Variants in ENO1 observed in about 807,000 individuals in gnomAD.
ENO1 encodes alpha-enolase.
ENO1 carries 33 observed loss-of-function variants against 46.3 expected under a neutral mutation model. The observed-to-expected ratio is 0.71, with a 90% confidence interval of 0.54 to 0.95. ENO1 has a LOEUF of 0.95. ENO1 is among the 40% of genes least tolerant of loss of function. The pLI, the probability that ENO1 is intolerant of heterozygous loss-of-function variation, is 0.00. For synonymous variants in ENO1, 220 were observed against 216.0 expected (o/e 1.02, Z -0.16); for missense variants, 488 against 553.3 (o/e 0.88, Z 1.18).
intron 1 of ENO1, 47 bp from the exon 2 acceptor site, chr1:8,874,964 G>A: frequency 1.3e-6 from 2 of 1,492,750 alleles, no homozygotes; most frequent in Non-Finnish European, 1.9e-6. Context: ...CCATAATGCT[G>A]CATTTCCTCA....
At chr1:8,861,761 A>T (rs1031772804) in intron 11 of ENO1, among the ~76,000 whole-genome samples, 1 of 151,970 alleles carries the variant, frequency 6.6e-6, no homozygotes, top group Admixed American at 6.6e-5. Flanking sequence ...GGAATATAAA[A>T]ATTCTAATGC....
chr1:8,861,113 A>G lies in ENO1; in HGVS notation c.*247T>C. 2.1e-6 allele frequency: 1 copy of G among 483,720 alleles called. No homozygotes were observed. Among genetic ancestry groups the G allele is most frequent in the Non-Finnish European group, 3.7e-6 (1 of 268,984 alleles). The allele number at this position is 483,720 out of a possible 1,614,324, so 30.0% of individuals were successfully genotyped here. On this transcript the variant is annotated 3_prime_UTR_variant, in exon 12 of 12. Coordinates refer to ENST00000234590, the MANE Select transcript of ENO1 (RefSeq NM_001428.5). ...CACATGACTCTAGACACTTGGTGGA[A>G]AGTGAGGCGAGAAAAACAATGACTT...
In ENO1 at chr1:8,870,829, G is replaced by C. The variant is rs377753475; in HGVS notation, c.182-319C>G. 76 of 1,366,028 alleles carry C rather than the reference G, an allele frequency of 5.6e-5. No individual in the cohort carries two copies. In the East Asian group the frequency reaches 1.6e-3, roughly 28 times the overall value. 84.6% of individuals were successfully genotyped at this position (1,366,028 alleles called of 1,614,324 possible). ...AAAGGCTGTTCAATCAGTTACCTGA[G>C]TGCACAGGGCTGGTGCCAGGAACTC... On this transcript the variant is annotated intron_variant, in intron 3 of 11. Coordinates refer to ENST00000234590, the MANE Select transcript of ENO1 (RefSeq NM_001428.5).
intron 3 of ENO1, chr1:8,871,001 G>T: frequency 8.0e-7 from 1 of 1,242,624 alleles, no homozygotes; most frequent in Non-Finnish European, 1.0e-6. Flanking sequence ...CATTTCAGGG[G>T]CCATGCGTTC....
intron 9 of ENO1, 54 bp downstream of exon 9, chr1:8,863,837 T>A: frequency 3.8e-6 from 6 of 1,598,390 alleles, no homozygotes; most frequent in East Asian, 2.2e-5. Context: ...AGGGCCCTTT[T>A]CTGATTCACA....
Position 8,863,964 on chromosome 1 carries a change from C to T in ENO1, c.994G>A (p.Val332Met), listed in dbSNP as rs776032554. The change falls in exon 9 of 12, where the codon GTG becomes ATG. Residue 332 changes from valine (V) to methionine (M), a missense_variant. Transcript: ENST00000234590. ...AGGCAGTTGCAGGACTTCTCGTTCA[C>T]GGCCTTGGCGATCCTCTTTGGGTTG... The part of the protein sequence containing the change: ...VTNPKRIAKA[V>M]NEKSCNCLLL... The T allele has an allele frequency of 1.1e-5, 17 of 1,614,010 alleles. No individual in the cohort carries two copies. Among genetic ancestry groups the T allele is most frequent in the Admixed American group, 8.3e-5 (5 of 59,990 alleles).
intron 8 of ENO1, among the ~76,000 whole-genome samples, chr1:8,864,613 TTTTG>T (rs1642472353): frequency 6.6e-6 from 1 of 152,180 alleles, no homozygotes; most frequent in Non-Finnish European, 1.5e-5. Flanking sequence ...GCCTCAAAAA[TTTTG>T]TTTAAGACCT....
At chr1:8,866,193 C>A in intron 7 of ENO1, 86 bp downstream of exon 7, 1 of 1,190,978 alleles carries the variant, frequency 8.4e-7, no homozygotes, top group Non-Finnish European at 1.2e-6. Context: ...GAATAGATTT[C>A]CACAGTGGCA....
chr1:8,865,548 G>A, intron 7 of ENO1, 66 bp from the exon 8 acceptor site: 2 of 1,484,826 alleles, frequency 1.3e-6, no homozygotes, highest in Non-Finnish European at 1.9e-6. Context: ...CCCTTCAACA[G>A]CTGCTACACA....
intron 8 of ENO1, 77 bp from the exon 9 acceptor site, chr1:8,864,169 C>T (rs1002542276): frequency 1.3e-6 from 2 of 1,501,876 alleles, no homozygotes; most frequent in African/African-American, 1.4e-5. Context: ...CTTGCTTCCC[C>T]CTTGACTTGC....
At chr1:8,864,136 T>A in intron 8 of ENO1, 44 bp from the exon 9 acceptor site, 1 of 1,601,526 alleles carries the variant, frequency 6.2e-7, no homozygotes, top group East Asian at 2.2e-5. Flanking sequence ...ATCCTCCCAG[T>A]GTGCTCCACC....
At chr1:8,875,896 TA>T (rs1204438548) in intron 1 of ENO1, 2 of 152,170 alleles carry the variant, frequency 1.3e-5, no homozygotes, top group Non-Finnish European at 2.9e-5. Flanking sequence ...AGGATGATTA[TA>T]GGGGTAAGCC....
chr1:8,861,576 C>CT, intron 11 of ENO1, 147 bp from the exon 12 acceptor site: 1 of 735,100 alleles, frequency 1.4e-6, no homozygotes, highest in Non-Finnish European at 2.2e-6. Context: ...TGTCCACCTT[C>CT]TTTAAACCCT....
chr1:8,876,020 C>T (rs938599193), intron 1 of ENO1: 3 of 152,016 alleles, frequency 2.0e-5, no homozygotes, highest in Non-Finnish European at 2.9e-5. Flanking sequence ...AAGGGGCTTC[C>T]TTTAACACCA....
chr1:8,867,283 C>A (rs2124075641), intron 5 of ENO1, 33 bp from the exon 6 acceptor site: 3 of 1,609,872 alleles, frequency 1.9e-6, no homozygotes, highest in Middle Eastern at 1.7e-4. Flanking sequence ...GGAATGAAGT[C>A]ATTTCTGATT....
chr1:8,862,881 C>T lies in ENO1; in HGVS notation c.1235+6G>A. Reference sequence around the variant, plus strand: ...CAGGCCCCTTGTTCTCAGGAGCCCTCCTTACCTGAGGAGCTGGTTGTACTT... The same window carrying T: ...CAGGCCCCTTGTTCTCAGGAGCCCTTCTTACCTGAGGAGCTGGTTGTACTT... On this transcript the variant is annotated splice_donor_region_variant and intron_variant, in intron 11 of 11. Transcript: ENST00000234590. The T allele has an allele frequency of 1.2e-6, 2 of 1,614,016 alleles. No homozygotes were observed. Among genetic ancestry groups the T allele is most frequent in the South Asian group, 1.1e-5 (1 of 91,052 alleles).
chr1:8,870,658 A>C, intron 3 of ENO1, 148 bp from the exon 4 acceptor site: 1 of 1,492,472 alleles, frequency 6.7e-7, no homozygotes, highest in Non-Finnish European at 8.9e-7. Context: ...CTTTCCCCCC[A>C]GAATCGGAGG....
intron 1 of ENO1, chr1:8,877,876 CAAA>C (rs34081530): frequency 1.4e-5 from 2 of 141,482 alleles, no homozygotes; most frequent in Non-Finnish European, 1.5e-5. Context: ...TAGCAAAACT[CAAA>C]AAAAAAAAAA....
chr1:8,869,584 G>C (rs1018370004), intron 4 of ENO1, among the ~76,000 whole-genome samples: 2 of 152,136 alleles, frequency 1.3e-5, no homozygotes, highest in Admixed American at 6.5e-5. Flanking sequence ...TTTTGAGACA[G>C]AGTCTCACTC....
Sources: gnomAD v4.1 joint callset for allele counts (sites outside exome capture counted in the v4.1 genomes callset) on GRCh38, gnomAD v4.1.1 for gene constraint, MANE v1.5 for transcripts, NCBI Gene and HGNC (gene_info 2026-07-23, HGNC 2026-07-21) for gene names.